ST8SIA2: variants seen among roughly 807,000 people sequenced by gnomAD.
ST8SIA2 encodes the protein alpha-2,8-sialyltransferase 8B.
Under a neutral mutation model 37.6 loss-of-function variants are expected in ST8SIA2, and 22 were observed. The ratio of observed to expected loss-of-function variants is 0.58; its 90% CI spans 0.42 to 0.83. The LOEUF (loss-of-function observed/expected upper bound fraction) is 0.83. Ranked by LOEUF, ST8SIA2 falls within the 40% of genes least tolerant of loss-of-function variation. The pLI is 0.00. For missense variants in ST8SIA2, 382 were observed against 484.7 expected, an observed-to-expected ratio of 0.79 and a Z score of 1.99; for synonymous variants, 205 against 201.2, an observed-to-expected ratio of 1.02 and a Z score of -0.16.
chr15:92,443,748 G>C (rs548858677), intron 4 of ST8SIA2, among the ~76,000 whole-genome samples: 7 of 152,196 alleles, frequency 4.6e-5, no homozygotes, highest in African/African-American at 1.7e-4. Context: ...CTCTGCCCTT[G>C]GATGCCTTTC....
intron 1 of ST8SIA2, among the ~76,000 whole-genome samples, chr15:92,402,745 T>C (rs12898703): frequency 0.53 from 80,378 of 151,938 alleles, 21,528 homozygotes; most frequent in Middle Eastern, 0.62. Context: ...CACACCGCTC[T>C]GCCTCTGCCT....
At chr15:92,463,660 C>T (rs1287600128) in intron 5 of ST8SIA2, among the ~76,000 whole-genome samples, 1 of 152,214 alleles carries the variant, frequency 6.6e-6, no homozygotes, top group Non-Finnish European at 1.5e-5. Flanking sequence ...AGCTACACAA[C>T]GGTCAAGTAG....
chr15:92,411,058 G>C (rs1413062860), intron 1 of ST8SIA2, among the ~76,000 whole-genome samples: 2 of 152,204 alleles, frequency 1.3e-5, no homozygotes, highest in Non-Finnish European at 1.5e-5. Context: ...AGGCTGTCAA[G>C]GGCTGAAGAA....
rs1033304492 is a variant in ST8SIA2 at position 92,393,919 on chromosome 15, T to C, written c.-146T>C. ...CTGTCGCTGCCGCTGCCGCTGCCGC[T>C]GCCGCCGCCGGCCCGGACTCGTCCG... On this transcript the variant is annotated 5_prime_UTR_variant, in exon 1 of 6. Coordinates refer to ENST00000268164, the MANE Select transcript of ST8SIA2 (RefSeq NM_006011.4). 6.6e-6 allele frequency: 2 copies of C among 301,668 alleles called. No individual in the cohort carries two copies. The highest frequency in any genetic ancestry group is 9.8e-5 in the East Asian group (1 of 10,194). 18.7% of individuals were successfully genotyped at this position (301,668 alleles called of 1,614,324 possible). A position where few individuals can be genotyped will look rare whatever the true frequency, so the allele number is the denominator to read the frequency against.
intron 1 of ST8SIA2, among the ~76,000 whole-genome samples, chr15:92,398,412 G>C (rs1232119314): frequency 3.3e-5 from 5 of 152,250 alleles, no homozygotes; most frequent in Non-Finnish European, 5.9e-5. Context: ...GAGAAGTTGA[G>C]TGACTAGTAA....
At chr15:92,434,688 G>T (rs944160516) in intron 3 of ST8SIA2, among the ~76,000 whole-genome samples, 1 of 152,228 alleles carries the variant, frequency 6.6e-6, no homozygotes, top group Non-Finnish European at 1.5e-5. Context: ...ACAGGTGGCT[G>T]CTTCTTCCCA....
intron 4 of ST8SIA2, 75 bp downstream of exon 4, chr15:92,438,685 C>T: frequency 1.4e-6 from 2 of 1,479,504 alleles, no homozygotes; most frequent in South Asian, 1.4e-5. Flanking sequence ...TGCCAGCTGT[C>T]CCAAGAGATT....
chr15:92,410,763 G>A (rs1420636603), intron 1 of ST8SIA2, among the ~76,000 whole-genome samples: 3 of 152,234 alleles, frequency 2.0e-5, no homozygotes, highest in African/African-American at 4.8e-5. Context: ...TAACAATAGC[G>A]TGCTCATAGT....
intron 5 of ST8SIA2, among the ~76,000 whole-genome samples, chr15:92,447,473 C>G (rs2049850451): frequency 1.3e-5 from 2 of 152,158 alleles, no homozygotes; most frequent in Admixed American, 6.5e-5. Flanking sequence ...AATTGCCCAT[C>G]CAACCACATG....
chr15:92,436,477 C>A (rs1438188336), intron 3 of ST8SIA2, among the ~76,000 whole-genome samples: 1 of 152,180 alleles, frequency 6.6e-6, no homozygotes, highest in Non-Finnish European at 1.5e-5. Flanking sequence ...CAAGATTATT[C>A]ATAATAAAAG....
intron 1 of ST8SIA2, among the ~76,000 whole-genome samples, chr15:92,411,938 C>A (rs2049552293): frequency 6.6e-6 from 1 of 152,078 alleles, no homozygotes; most frequent in South Asian, 2.1e-4. Context: ...AAAGGCCATG[C>A]AGAAGGGCAG....
chr15:92,415,277 CA>C (rs1485470225), intron 1 of ST8SIA2, among the ~76,000 whole-genome samples: 1 of 151,716 alleles, frequency 6.6e-6, no homozygotes, highest in Non-Finnish European at 1.5e-5. Flanking sequence ...TTGATTTTAT[CA>C]ATAAGGATCT....
intron 3 of ST8SIA2, 25 bp from the exon 4 acceptor site, chr15:92,438,328 C>T (rs374129315): frequency 3.7e-6 from 6 of 1,614,196 alleles, no homozygotes; most frequent in Non-Finnish European, 4.2e-6. Context: ...TGGAGAATTT[C>T]CTCACGCATG....
intron 1 of ST8SIA2, among the ~76,000 whole-genome samples, chr15:92,418,793 A>G (rs143344132): frequency 1.3e-5 from 2 of 152,296 alleles, no homozygotes; most frequent in East Asian, 3.9e-4. Context: ...AAAAATCACA[A>G]TTTTTAATTG....
At chr15:92,394,195 C>G in intron 1 of ST8SIA2, 33 bp downstream of exon 1, 1 of 1,528,250 alleles carries the variant, frequency 6.5e-7, no homozygotes, top group Non-Finnish European at 8.9e-7. Context: ...GTGCCACGAG[C>G]CCTGGCGGGA....
intron 1 of ST8SIA2, among the ~76,000 whole-genome samples, chr15:92,414,463 A>C (rs891229389): frequency 6.6e-6 from 1 of 152,162 alleles, no homozygotes; most frequent in African/African-American, 2.4e-5. Flanking sequence ...CTACTCCCCA[A>C]TTTGGAGACA....
chr15:92,397,666 G>A (rs1269027387), intron 1 of ST8SIA2, among the ~76,000 whole-genome samples: 4 of 152,086 alleles, frequency 2.6e-5, no homozygotes, highest in African/African-American at 9.7e-5. Flanking sequence ...ATTGTTTCTT[G>A]GCCTTTAATC....
intron 1 of ST8SIA2, among the ~76,000 whole-genome samples, chr15:92,416,119 C>T (rs187401451): frequency 5.3e-5 from 8 of 150,878 alleles, no homozygotes; most frequent in African/African-American, 1.7e-4. Flanking sequence ...AGTCTCTGCA[C>T]ATCGCAGATA....
intron 1 of ST8SIA2, among the ~76,000 whole-genome samples, chr15:92,415,360 T>C (rs550779582): frequency 3.9e-5 from 6 of 152,052 alleles, no homozygotes; most frequent in South Asian, 4.1e-4. Flanking sequence ...AGTCCTAATG[T>C]ACCTGGCACG....
Sources: gnomAD v4.1 joint callset for allele counts (sites outside exome capture counted in the v4.1 genomes callset) on GRCh38, gnomAD v4.1.1 for gene constraint, MANE v1.5 for transcripts, NCBI Gene and HGNC (gene_info 2026-07-23, HGNC 2026-07-21) for gene names.